KCNAB2: variants seen among roughly 807,000 people sequenced by gnomAD.
KCNAB2 encodes voltage-gated potassium channel subunit beta-2.
KCNAB2 carries 29 observed loss-of-function variants against 63.6 expected under a neutral mutation model. That is an observed-to-expected ratio of 0.46 (90% confidence interval 0.34 to 0.62). The LOEUF is 0.62. Among genes scored for constraint, KCNAB2 ranks in the 20% least tolerant of loss-of-function variants. KCNAB2 has a pLI of 0.01. For missense variants in KCNAB2, 359 were observed against 563.9 expected, an observed-to-expected ratio of 0.64 and a Z score of 3.68; for synonymous variants, 222 against 224.2, an observed-to-expected ratio of 0.99 and a Z score of 0.09.
Position 6,096,887 on chromosome 1 carries a change from C to A in KCNAB2, c.1069+131C>A, listed in dbSNP as rs867356749. Reference sequence around the variant, plus strand: ...GAGGGAAGGGATCCCTGGACATCATCCCCCAGCCAGCCTCGGGTAATCGGG... The same window carrying A: ...GAGGGAAGGGATCCCTGGACATCATACCCCAGCCAGCCTCGGGTAATCGGG... On this transcript the variant is annotated intron_variant, in intron 14 of 15. Coordinates refer to ENST00000378083, the MANE Select transcript of KCNAB2 (RefSeq NM_001199862.2). This position sits in a 1 kb window ranked among gnomAD's most constrained non-coding sequence, Gnocchi z 5.9. 1.4e-4 allele frequency: 174 copies of A among 1,226,052 alleles called. No individual in the cohort carries two copies. In the African/African-American group the frequency reaches 2.4e-3, roughly 17 times the overall value. 75.9% of individuals were successfully genotyped at this position (1,226,052 alleles called of 1,614,324 possible).
intron 10 of KCNAB2, among the ~76,000 whole-genome samples, chr1:6,093,383 G>A (rs984219544): frequency 4.6e-5 from 7 of 152,226 alleles, no homozygotes; most frequent in South Asian, 2.1e-4. Context: ...TTGAAATTTC[G>A]ACGCCAAGTT....
intron 1 of KCNAB2, among the ~76,000 whole-genome samples, chr1:6,019,293 TA>T (rs1156657150): frequency 6.6e-6 from 1 of 151,922 alleles, no homozygotes; most frequent in African/African-American, 2.4e-5. Flanking sequence ...TCCCTTCTCC[TA>T]AAAAAAATTA....
chr1:6,057,014 C>T (rs1260744071), intron 2 of KCNAB2, among the ~76,000 whole-genome samples: 2 of 151,878 alleles, frequency 1.3e-5, no homozygotes, highest in Admixed American at 6.6e-5. Context: ...GTCCCTGGCA[C>T]CCGGAACACC....
At chr1:6,011,553 G>A (rs962544556) in intron 1 of KCNAB2, among the ~76,000 whole-genome samples, 2 of 152,360 alleles carry the variant, frequency 1.3e-5, no homozygotes, top group South Asian at 2.1e-4. Context: ...GACAGGAGAG[G>A]CTGTGAATGG....
In KCNAB2 at chr1:6,096,007, G is replaced by C. The variant is rs1665602282; in HGVS notation, c.948+383G>C. 1 of 452,246 alleles carries C rather than the reference G, an allele frequency of 2.2e-6. No individual in the cohort carries two copies. The highest frequency in any genetic ancestry group is 2.0e-5 in the African/African-American group (1 of 50,022). The allele number at this position is 452,246 out of a possible 1,614,324, so 28.0% of individuals were successfully genotyped here. On this transcript the variant is annotated intron_variant, in intron 13 of 15. Coordinates refer to ENST00000378083, the MANE Select transcript of KCNAB2 (RefSeq NM_001199862.2). The surrounding 1 kb of genome is among the most constrained non-coding windows in gnomAD (Gnocchi z 5.9). The stretch of plus-strand genomic sequence containing the variant: ...ATGGGGGCTGCAAAGCCACATGGAG[G>C]TGACCCTGGGAGAGGCGCCCCTCCC...
chr1:6,066,386 A>C (rs976173172), intron 2 of KCNAB2, among the ~76,000 whole-genome samples: 1 of 152,122 alleles, frequency 6.6e-6, no homozygotes, highest in Non-Finnish European at 1.5e-5. Flanking sequence ...CATTTGTCAG[A>C]CTTGGGCAGT....
exon 2 of KCNAB2, chr1:6,040,518 A>C: frequency 6.5e-7 from 1 of 1,527,690 alleles, no homozygotes; most frequent in Non-Finnish European, 9.1e-7. Flanking sequence ...TTCTTCCAGA[A>C]TTTTCCCACT....
rs1397496432 is a variant in KCNAB2 at position 6,028,875 on chromosome 1, G to A, written c.-52-11642G>A. Among the ~76,000 whole-genome samples, 12 of 152,208 alleles carry A rather than the reference G, an allele frequency of 7.9e-5. No homozygotes were observed. Among genetic ancestry groups the A allele is most frequent in the Admixed American group, 7.8e-4 (12 of 15,290 alleles). On this transcript the variant is annotated intron_variant, in intron 1 of 16. Transcript: ENST00000341524. The surrounding 1 kb of genome is among the most constrained non-coding windows in gnomAD (Gnocchi z 4.0). The stretch of plus-strand genomic sequence containing the variant: ...AAGGTGATCATTCTTAAGACCTCGG[G>A]GATCTGCAAACCAGCCTTCTGGAAC...
At chr1:6,055,784 G>A (rs924021057) in intron 2 of KCNAB2, among the ~76,000 whole-genome samples, 4 of 152,170 alleles carry the variant, frequency 2.6e-5, no homozygotes, top group Non-Finnish European at 5.9e-5. Context: ...CAGGGTTGAC[G>A]GGGTGGGTGG....
intron 1 of KCNAB2, among the ~76,000 whole-genome samples, chr1:6,037,348 C>T (rs546259401): frequency 6.6e-6 from 1 of 152,382 alleles, no homozygotes; most frequent in African/African-American, 2.4e-5. Flanking sequence ...CCCCCATCCC[C>T]TTCTGCAAGG....
At position 6,087,276 on chromosome 1, in the gene KCNAB2, T is replaced by A. The variant is rs1409933306; in HGVS notation, c.426-191T>A. Among the ~76,000 whole-genome samples, 1 of 152,066 alleles carries A rather than the reference T, an allele frequency of 6.6e-6. No homozygotes were observed. Among genetic ancestry groups the A allele is most frequent in the East Asian group, 1.9e-4 (1 of 5,162 alleles). ...CCTCGGTGGCTGCCTCCTGGCTCCATGAGGAGCCCACGCACCCCGGCTGGG... is the reference window on the plus strand; with the variant it reads ...CCTCGGTGGCTGCCTCCTGGCTCCAAGAGGAGCCCACGCACCCCGGCTGGG... On this transcript the variant is annotated intron_variant, in intron 6 of 15. Coordinates refer to ENST00000378083, the MANE Select transcript of KCNAB2 (RefSeq NM_001199862.2). This position sits in a 1 kb window ranked among gnomAD's most constrained non-coding sequence, Gnocchi z 6.4.
At position 6,073,847 on chromosome 1, in the gene KCNAB2, C is replaced by T. The variant is rs145334238; in HGVS notation, c.300+77C>T. Reference sequence around the variant, plus strand: ...CACATGGTTAAGTCTGCCGCGTGGACCAGTGAGCACGTGCTCCCGGGAGCC... The same window carrying T: ...CACATGGTTAAGTCTGCCGCGTGGATCAGTGAGCACGTGCTCCCGGGAGCC... On this transcript the variant is annotated intron_variant, in intron 4 of 15. Transcript: ENST00000378083. The surrounding 1 kb of genome is among the most constrained non-coding windows in gnomAD (Gnocchi z 5.7). The T allele has an allele frequency of 8.3e-6, 12 of 1,450,448 alleles. No homozygotes were observed. In the East Asian group the frequency reaches 9.2e-5, roughly 11 times the overall value. 89.8% of individuals were successfully genotyped at this position (1,450,448 alleles called of 1,614,324 possible). A position where few individuals can be genotyped will look rare whatever the true frequency, so the allele number is the denominator to read the frequency against.
At chr1:6,000,569 C>T (rs548705277) in intron 1 of KCNAB2, among the ~76,000 whole-genome samples, 13 of 151,944 alleles carry the variant, frequency 8.6e-5, no homozygotes, top group African/African-American at 2.9e-4. Context: ...CGAGCCCGCT[C>T]CTGTGAGGAG....
At chr1:6,090,514 C>T (rs762961609) in intron 9 of KCNAB2, 39 bp downstream of exon 9, 15 of 1,538,006 alleles carry the variant, frequency 9.8e-6, no homozygotes, top group Admixed American at 1.7e-5. Flanking sequence ...TAGGCCTGGG[C>T]GGGGTCTGAA....
At position 6,048,833 on chromosome 1, in the gene KCNAB2, G is replaced by A. The variant is rs149886989; in HGVS notation, c.-27+2650G>A. Among the ~76,000 whole-genome samples, 100 of 152,320 alleles carry A rather than the reference G, an allele frequency of 6.6e-4. 1 individual carries two copies. The East Asian group carries it at 0.015, about 23-fold the overall frequency. ...CACCTCAGAAGCAGCTGCCTGCCAC[G>A]CGCATGGAGGGAAGGGAGTGGCCGG... On this transcript the variant is annotated intron_variant, in intron 1 of 15. Transcript: ENST00000378083.
chr1:6,021,048 A>G (rs565209254), intron 1 of KCNAB2, among the ~76,000 whole-genome samples: 23 of 152,340 alleles, frequency 1.5e-4, no homozygotes, highest in Admixed American at 5.2e-4. Context: ...GCTGAAGTAC[A>G]GTGGCACAAT....
At chr1:6,094,340 C>T (rs1665438340) in intron 10 of KCNAB2, 60 bp from the exon 11 acceptor site, 13 of 1,318,866 alleles carry the variant, frequency 9.9e-6, no homozygotes, top group African/African-American at 1.4e-5. Context: ...CAGAATGTCC[C>T]GAGGCTGGCC....
intron 1 of KCNAB2, among the ~76,000 whole-genome samples, chr1:5,997,040 T>A (rs1656979360): frequency 6.6e-6 from 1 of 152,140 alleles, no homozygotes; most frequent in South Asian, 2.1e-4. Context: ...CATTCGTGTC[T>A]CCCTCTATCT....
chr1:6,066,454 G>A (rs542727894), intron 2 of KCNAB2, among the ~76,000 whole-genome samples: 24 of 152,368 alleles, frequency 1.6e-4, no homozygotes, highest in Non-Finnish European at 2.9e-4. Flanking sequence ...GAGAAACAGC[G>A]TGGAGAATCC....
Sources: allele counts gnomAD v4.1 joint callset (sites outside exome capture counted in the v4.1 genomes callset), GRCh38; gene constraint gnomAD v4.1.1; non-coding constraint Gnocchi (gnomAD v3.1); transcripts MANE v1.5; gene names NCBI Gene and HGNC (gene_info 2026-07-23, HGNC 2026-07-21).